CHRNB4: variants seen among roughly 807,000 people sequenced by gnomAD.
CHRNB4 encodes the protein neuronal acetylcholine receptor subunit beta-4.
A neutral mutation model predicts 40.4 loss-of-function variants in CHRNB4; 23 were observed. The ratio of observed to expected loss-of-function variants is 0.57; its 90% CI spans 0.41 to 0.81. CHRNB4 has a LOEUF of 0.81. CHRNB4 is among the 30% of genes least tolerant of loss of function. CHRNB4 has a pLI of 0.00. For synonymous variants in CHRNB4, 285 were observed against 274.4 expected (o/e 1.04, Z -0.38); for missense variants, 568 against 670.6 (o/e 0.85, Z 1.69).
intron 5 of CHRNB4, among the ~76,000 whole-genome samples, chr15:78,653,549 CT>C (rs2054189657): frequency 6.6e-6 from 1 of 152,202 alleles, no homozygotes; most frequent in Non-Finnish European, 1.5e-5. Context: ...TTTTTCTTCC[CT>C]TTTGTGACTG....
At chr15:78,631,434 C>A in intron 2 of CHRNB4, 102 bp from the exon 3 acceptor site, 1 of 1,047,968 alleles carries the variant, frequency 9.5e-7, no homozygotes, top group Non-Finnish European at 1.4e-6. Flanking sequence ...GCCCACGTGA[C>A]CAACTGCCAC....
exon 7 of CHRNB4, chr15:78,649,434 C>T (rs1229589163): frequency 2.6e-5 from 12 of 454,700 alleles, no homozygotes; most frequent in Non-Finnish European, 5.3e-5. Context: ...TCTGCCAAAT[C>T]TGGAGCTAAG....
chr15:78,641,804 C>A (rs879579733), upstream of CHRNB4, among the ~76,000 whole-genome samples: 6 of 152,198 alleles, frequency 3.9e-5, no homozygotes, highest in Non-Finnish European at 8.8e-5. Flanking sequence ...CGTCCTCCCC[C>A]ATGGGCCTTC....
intron 5 of CHRNB4, among the ~76,000 whole-genome samples, chr15:78,654,372 C>G (rs1170465812): frequency 6.6e-6 from 1 of 152,222 alleles, no homozygotes; most frequent in Non-Finnish European, 1.5e-5. Flanking sequence ...ATAACAATGA[C>G]CGCAAAGAAC....
chr15:78,651,557 T>C (rs1335286279), intron 6 of CHRNB4, among the ~76,000 whole-genome samples: 1 of 152,232 alleles, frequency 6.6e-6, no homozygotes, highest in Admixed American at 6.5e-5. Context: ...TTTCAGCTTC[T>C]CAGATTGACC....
chr15:78,638,347 A>G (rs1372706018), intron 1 of CHRNB4, among the ~76,000 whole-genome samples: 1 of 152,220 alleles, frequency 6.6e-6, no homozygotes, highest in African/African-American at 2.4e-5. Flanking sequence ...AGGTTCCCAG[A>G]ACTTTAGACC....
upstream of CHRNB4, chr15:78,660,816 G>A (rs1236293219): frequency 8.1e-5 from 23 of 282,364 alleles, no homozygotes; most frequent in South Asian, 5.8e-4. Context: ...CAAGAGAGGC[G>A]GGGCTAGGGT....
chr15:78,657,998 T>G (rs1409952324), intron 2 of CHRNB4, among the ~76,000 whole-genome samples: 2 of 151,444 alleles, frequency 1.3e-5, no homozygotes, highest in Non-Finnish European at 2.9e-5. Flanking sequence ...CATATATCAT[T>G]ATTCCTCACA....
At chr15:78,639,587 C>T (rs1022437081) in intron 1 of CHRNB4, among the ~76,000 whole-genome samples, 10 of 152,166 alleles carry the variant, frequency 6.6e-5, no homozygotes, top group African/African-American at 1.4e-4. Flanking sequence ...TGTGAGCCAC[C>T]GCGCCTGGCC....
intron 5 of CHRNB4, chr15:78,627,346 C>T (rs1328000674): frequency 6.6e-6 from 1 of 152,224 alleles, no homozygotes; most frequent in African/African-American, 2.4e-5. Flanking sequence ...GCCTGAGACT[C>T]TGCATTTCCG....
chr15:78,644,591 G>A (rs999989106), upstream of CHRNB4, among the ~76,000 whole-genome samples: 1 of 152,070 alleles, frequency 6.6e-6, no homozygotes, highest in Non-Finnish European at 1.5e-5. Context: ...AAATTACCCA[G>A]TCTCTGGTAT....
chr15:78,635,570 T>G lies in CHRNB4; in HGVS notation c.73A>C (p.Asn25His). 1 of 1,614,132 alleles carries G rather than the reference T, an allele frequency of 6.2e-7. No homozygotes were observed. Among genetic ancestry groups the G allele is most frequent in the Non-Finnish European group, 8.5e-7 (1 of 1,180,008 alleles). Residue 25 changes from asparagine to histidine, a missense_variant, in exon 2 of 6, where the codon AAT becomes CAT. By Grantham distance (68) the Asn-to-His change is moderately conservative. Coordinates refer to ENST00000261751, the MANE Select transcript of CHRNB4 (RefSeq NM_000750.5). The stretch of plus-strand genomic sequence containing the variant: ...TCGTCCATCAGCTTTTCCTCCGCAT[T>G]GGCCACGCGGCAGTTCCCTGAGAAA... ...LCGRGNCRVA[N>H]AEEKLMDDLL...
chr15:78,641,302 T>C (rs920698688), upstream of CHRNB4: 8 of 557,320 alleles, frequency 1.4e-5, no homozygotes, highest in African/African-American at 1.2e-4. Context: ...CACTCAGGGA[T>C]GTACTGGGCC....
chr15:78,656,343 A>C (rs2054213307), exon 4 of CHRNB4: 1 of 151,658 alleles, frequency 6.6e-6, no homozygotes, highest in African/African-American at 2.4e-5. Flanking sequence ...TCTCAAAAAA[A>C]AAAAAAAAAA....
chr15:78,646,817 A>G (rs1019902314), intron 7 of CHRNB4, among the ~76,000 whole-genome samples: 2 of 152,208 alleles, frequency 1.3e-5, no homozygotes, highest in African/African-American at 2.4e-5. Flanking sequence ...TATTCAATCC[A>G]TAACAAGTAG....
chr15:78,627,391 A>G (rs2053681945), intron 5 of CHRNB4: 1 of 151,720 alleles, frequency 6.6e-6, no homozygotes. Context: ...CTGCTGGTCC[A>G]AGAACTACAC....
At chr15:78,645,410 T>TA (rs1412452531), upstream of CHRNB4, among the ~76,000 whole-genome samples, 1 of 152,112 alleles carries the variant, frequency 6.6e-6, no homozygotes, top group African/African-American at 2.4e-5. Flanking sequence ...CCTCTGAGTA[T>TA]AAAAAACTCT....
At chr15:78,646,057 C>CAAAA (rs370310559), upstream of CHRNB4, among the ~76,000 whole-genome samples, 4 of 113,610 alleles carry the variant, frequency 3.5e-5, no homozygotes, top group African/African-American at 9.6e-5. Context: ...GAGACCGTCT[C>CAAAA]AAAAAAAAAA....
chr15:78,629,001 G>A lies in CHRNB4; in HGVS notation c.1304C>T (p.Ala435Val), dbSNP rs56317523. Residue 435 changes from alanine (A) to valine (V), a missense_variant, in exon 5 of 6, where the codon GCC becomes GTC. By Grantham distance (64) the Ala-to-Val change is moderately conservative (BLOSUM62 0). Transcript: ENST00000261751. The surrounding 1 kb of genome is among the most constrained non-coding windows in gnomAD (Gnocchi z 6.8). ...QEALEGVSFIAQHMKNDDEDQ... is the reference protein window; with the variant it reads ...QEALEGVSFIVQHMKNDDEDQ... ...TTCATCGTCATTCTTCATGTGCTGGGCGATGAAGCTGACACCTTCTAATGC... is the reference window on the plus strand; with the variant it reads ...TTCATCGTCATTCTTCATGTGCTGGACGATGAAGCTGACACCTTCTAATGC... The A allele has an allele frequency of 2.9e-3, 4,611 of 1,614,128 alleles. 5 individuals are homozygous for A. The highest frequency in any genetic ancestry group is 3.4e-3 in the Non-Finnish European group (4,001 of 1,179,998).
Sources: gnomAD v4.1 joint callset for allele counts (sites outside exome capture counted in the v4.1 genomes callset) on GRCh38, gnomAD v4.1.1 for gene constraint, Gnocchi (gnomAD v3.1) non-coding constraint, MANE v1.5 for transcripts, NCBI Gene and HGNC (gene_info 2026-07-23, HGNC 2026-07-21) for gene names.